The following ADRA1B variants were observed in gnomAD, a reference collection of about 807,000 sequenced individuals.
ADRA1B encodes adrenoceptor alpha 1B.
Under a neutral mutation model 17.9 loss-of-function variants are expected in ADRA1B, and 17 were observed. The observed-to-expected ratio is 0.95, with a 90% CI of 0.65 to 1.42. The LOEUF (loss-of-function observed/expected upper bound fraction) is 1.42. Ranked by LOEUF, ADRA1B falls within the 40% of genes most tolerant of loss-of-function variation. The pLI, the probability that ADRA1B is intolerant of heterozygous loss-of-function variation, is 0.00. For missense variants in ADRA1B, 681 were observed against 722.1 expected (o/e 0.94, Z 0.65); for synonymous variants, 366 against 327.6 (o/e 1.12, Z -1.27).
the ADRA1B span, among the ~76,000 whole-genome samples, chr5:159,988,882 A>C: frequency 6.6e-6 from 1 of 152,222 alleles, no homozygotes; most frequent in African/African-American, 2.4e-5. Context: ...CAGGAGACTA[A>C]AACAGGAGGA....
chr5:159,906,231 C>A (rs1242995924), intron 1 of ADRA1B, among the ~76,000 whole-genome samples: 3 of 152,178 alleles, frequency 2.0e-5, no homozygotes, highest in African/African-American at 7.2e-5. Context: ...TTAAGACCTG[C>A]ATCCTATAAG....
intron 1 of ADRA1B, among the ~76,000 whole-genome samples, chr5:159,908,411 C>T (rs1230477454): frequency 1.3e-5 from 2 of 152,104 alleles, no homozygotes; most frequent in South Asian, 2.1e-4. Context: ...GGGAGGTGTT[C>T]GGATTGTGAG....
At chr5:159,921,658 C>T (rs77392734) in intron 1 of ADRA1B, among the ~76,000 whole-genome samples, 1 of 152,162 alleles carries the variant, frequency 6.6e-6, no homozygotes, top group African/African-American at 2.4e-5. Context: ...TGCTGGAAGG[C>T]ACCAGGAAGC....
upstream of ADRA1B, among the ~76,000 whole-genome samples, chr5:159,913,555 T>G (rs1248534666): frequency 1.3e-5 from 2 of 152,222 alleles, no homozygotes; most frequent in Non-Finnish European, 2.9e-5. Context: ...GCTCAATAAT[T>G]TCTTCCACAT....
the ADRA1B span, among the ~76,000 whole-genome samples, chr5:159,988,298 G>T: frequency 4.6e-5 from 7 of 152,278 alleles, no homozygotes; most frequent in African/African-American, 1.4e-4. Context: ...CAGGAGCCTC[G>T]GGAAAGAATC....
intron 1 of ADRA1B, among the ~76,000 whole-genome samples, chr5:159,897,951 G>A (rs1581023755): frequency 6.6e-6 from 1 of 152,202 alleles, no homozygotes; most frequent in East Asian, 1.9e-4. Context: ...GGATGACAGA[G>A]GGCTCGGGGC....
intron 1 of ADRA1B, chr5:159,867,965 T>C (rs1226954754): frequency 2.0e-5 from 3 of 152,180 alleles, no homozygotes; most frequent in African/African-American, 7.2e-5. Flanking sequence ...TAAACACCCA[T>C]TGCAAACAAA....
intron 1 of ADRA1B, among the ~76,000 whole-genome samples, chr5:159,900,212 T>C: frequency 6.6e-6 from 1 of 152,220 alleles, no homozygotes. Flanking sequence ...TTGGTTATTC[T>C]TAAGCATTTA....
chr5:159,881,274 G>A (rs911154318), intron 1 of ADRA1B, among the ~76,000 whole-genome samples: 2 of 146,030 alleles, frequency 1.4e-5, no homozygotes, highest in Admixed American at 6.9e-5. Context: ...ACAGGGTCTT[G>A]TGGAATGAGA....
chr5:159,900,617 A>C (rs4921536), intron 1 of ADRA1B, among the ~76,000 whole-genome samples: 92,980 of 152,096 alleles, frequency 0.61, 29,561 homozygotes, highest in African/African-American at 0.71. Context: ...AAGTGACGAA[A>C]CTTAATCAGA....
chr5:159,949,873 A>T (rs1407306012), intron 1 of ADRA1B, among the ~76,000 whole-genome samples: 1 of 152,180 alleles, frequency 6.6e-6, no homozygotes, highest in African/African-American at 2.4e-5. Flanking sequence ...GTTTTTCATT[A>T]TGTCCTCTTG....
intron 1 of ADRA1B, among the ~76,000 whole-genome samples, chr5:159,942,628 C>T (rs770890425): frequency 1.3e-5 from 2 of 152,134 alleles, no homozygotes; most frequent in Non-Finnish European, 2.9e-5. Flanking sequence ...CTGGGCAACA[C>T]AGTGAGACCC....
chr5:159,871,548 C>G (rs1753739803), intron 1 of ADRA1B, among the ~76,000 whole-genome samples: 1 of 152,118 alleles, frequency 6.6e-6, no homozygotes, highest in Admixed American at 6.6e-5. Flanking sequence ...CCCCTGTGTC[C>G]TTATGTCTCA....
intron 1 of ADRA1B, among the ~76,000 whole-genome samples, chr5:159,969,856 T>C (rs1320727054): frequency 6.6e-6 from 1 of 152,242 alleles, no homozygotes; most frequent in African/African-American, 2.4e-5. Flanking sequence ...GAGTTTTATA[T>C]GTGCTTTTAA....
chr5:159,974,729 G>A (rs979784551), downstream of ADRA1B, among the ~76,000 whole-genome samples: 1 of 151,650 alleles, frequency 6.6e-6, no homozygotes, highest in African/African-American at 2.4e-5. Context: ...CCATAAAAAC[G>A]CACATACCAA....
chr5:159,913,625 A>G (rs1405817534), upstream of ADRA1B, among the ~76,000 whole-genome samples: 3 of 152,218 alleles, frequency 2.0e-5, no homozygotes, highest in Admixed American at 1.3e-4. Context: ...TTCTTTCACA[A>G]TGAGGATAAA....
the ADRA1B span, among the ~76,000 whole-genome samples, chr5:159,984,425 C>T: frequency 6.6e-6 from 1 of 152,084 alleles, no homozygotes; most frequent in South Asian, 2.1e-4. Context: ...CCCTTAAACC[C>T]CACATCAAGC....
intron 1 of ADRA1B, among the ~76,000 whole-genome samples, chr5:159,865,632 A>G (rs899841111): frequency 1.3e-5 from 2 of 152,200 alleles, no homozygotes; most frequent in Non-Finnish European, 2.9e-5. Flanking sequence ...TAGTAGCGGC[A>G]TTTTTGGAAA....
chr5:159,976,943 T>C (rs1444950740), downstream of ADRA1B, among the ~76,000 whole-genome samples: 1 of 152,142 alleles, frequency 6.6e-6, no homozygotes, highest in Non-Finnish European at 1.5e-5. Context: ...TGTCTGTAAA[T>C]TGGGGATGCA....
Sources: gnomAD v4.1 joint callset for allele counts (sites outside exome capture counted in the v4.1 genomes callset) on GRCh38, gnomAD v4.1.1 for gene constraint, MANE v1.5 for transcripts, NCBI Gene and HGNC (gene_info 2026-07-23, HGNC 2026-07-21) for gene names.